Variants in ZDHHC14 observed in about 807,000 individuals in gnomAD.
The protein encoded by ZDHHC14 is zDHHC palmitoyltransferase 14, also known as palmitoyltransferase ZDHHC14.
Under a neutral mutation model 47.7 loss-of-function variants are expected in ZDHHC14, and 16 were observed. That is an observed-to-expected ratio of 0.34 (90% CI 0.23 to 0.51). The LOEUF is 0.51. Among genes scored for constraint, ZDHHC14 ranks in the 20% least tolerant of loss-of-function variants. The pLI, the probability that ZDHHC14 is intolerant of heterozygous loss-of-function variation, is 0.97. For missense variants in ZDHHC14, 515 were observed against 662.5 expected, an observed-to-expected ratio of 0.78 and a Z score of 2.44; for synonymous variants, 293 against 278.9, an observed-to-expected ratio of 1.05 and a Z score of -0.50.
At chr6:157,565,804 C>CAA (rs758559905) in intron 2 of ZDHHC14, among the ~76,000 whole-genome samples, 65 of 99,478 alleles carry the variant, frequency 6.5e-4, no homozygotes, top group African/African-American at 2.4e-3. Flanking sequence ...ACTCCGTCTC[C>CAA]AAAAAAAAAA....
chr6:157,501,341 T>TA (rs572484260), intron 1 of ZDHHC14, among the ~76,000 whole-genome samples: 27 of 152,124 alleles, frequency 1.8e-4, no homozygotes, highest in African/African-American at 4.8e-4. Flanking sequence ...GGTGCTTTTG[T>TA]AAAAAAAACA....
intron 2 of ZDHHC14, among the ~76,000 whole-genome samples, chr6:157,560,239 G>A (rs866104620): frequency 7.0e-4 from 106 of 152,312 alleles, no homozygotes; most frequent in African/African-American, 2.3e-3. Flanking sequence ...GCCAGGAAGC[G>A]GGGCCGACTG....
chr6:157,649,860 G>A (rs60758925), intron 7 of ZDHHC14, among the ~76,000 whole-genome samples: 3,218 of 152,286 alleles, frequency 0.021, 113 homozygotes, highest in African/African-American at 0.074. Flanking sequence ...AATGGTCAGT[G>A]TCACACCAGA....
chr6:157,522,168 A>G (rs35773086), intron 1 of ZDHHC14, among the ~76,000 whole-genome samples: 136,289 of 152,076 alleles, frequency 0.9, 61,415 homozygotes, highest in African/African-American at 0.97. Flanking sequence ...CTACCCGTAC[A>G]GTTGCCACGA....
At chr6:157,559,484 G>C (rs1782622693) in intron 2 of ZDHHC14, among the ~76,000 whole-genome samples, 1 of 152,234 alleles carries the variant, frequency 6.6e-6, no homozygotes, top group South Asian at 2.1e-4. Flanking sequence ...CCACCACCCT[G>C]TGCCTGCATG....
At chr6:157,668,240 A>G (rs1367932723) in intron 8 of ZDHHC14, among the ~76,000 whole-genome samples, 1 of 152,220 alleles carries the variant, frequency 6.6e-6, no homozygotes, top group Non-Finnish European at 1.5e-5. Context: ...ATCAGGGGAA[A>G]CACCCATAGC....
At chr6:157,648,658 T>C (rs2114985359) in intron 7 of ZDHHC14, among the ~76,000 whole-genome samples, 1 of 152,298 alleles carries the variant, frequency 6.6e-6, no homozygotes, top group South Asian at 2.1e-4. Context: ...GCGAGGATCC[T>C]GGGTTAGAGG....
intron 1 of ZDHHC14, among the ~76,000 whole-genome samples, chr6:157,429,182 G>A (rs918608482): frequency 2.0e-5 from 3 of 152,146 alleles, no homozygotes; most frequent in African/African-American, 4.8e-5. Flanking sequence ...CATGGGCGTC[G>A]AGACTTTTAG....
At chr6:157,643,047 A>G (rs1777334402) in intron 5 of ZDHHC14, among the ~76,000 whole-genome samples, 1 of 152,236 alleles carries the variant, frequency 6.6e-6, no homozygotes, top group African/African-American at 2.4e-5. Context: ...CTATTTCTCA[A>G]GCAAATTACT....
intron 1 of ZDHHC14, among the ~76,000 whole-genome samples, chr6:157,526,058 A>T (rs1234219038): frequency 4.6e-5 from 7 of 152,224 alleles, no homozygotes; most frequent in African/African-American, 7.2e-5. Flanking sequence ...AACTTCAGGG[A>T]AACCCACTGG....
At chr6:157,663,449 G>A (rs761692034) in intron 8 of ZDHHC14, among the ~76,000 whole-genome samples, 35 of 152,364 alleles carry the variant, frequency 2.3e-4, no homozygotes, top group Non-Finnish European at 4.0e-4. Flanking sequence ...GGCAAGGGCC[G>A]AACATCGACC....
chr6:157,591,959 C>A (rs1166126579), intron 2 of ZDHHC14, among the ~76,000 whole-genome samples: 3 of 152,242 alleles, frequency 2.0e-5, no homozygotes, highest in African/African-American at 7.2e-5. Context: ...CATGGAAGTT[C>A]TTGATCTTCT....
intron 2 of ZDHHC14, among the ~76,000 whole-genome samples, chr6:157,577,367 T>G (rs1783347275): frequency 6.6e-6 from 1 of 152,224 alleles, no homozygotes; most frequent in Admixed American, 6.5e-5. Context: ...TATATTTCTT[T>G]GGGTATATAC....
At chr6:157,528,248 G>A (rs1208738598) in intron 1 of ZDHHC14, among the ~76,000 whole-genome samples, 1 of 152,128 alleles carries the variant, frequency 6.6e-6, no homozygotes, top group Non-Finnish European at 1.5e-5. Flanking sequence ...AAGTCCTCAG[G>A]AATACTTCTG....
At chr6:157,524,564 C>T (rs188367109) in intron 1 of ZDHHC14, among the ~76,000 whole-genome samples, 148 of 152,298 alleles carry the variant, frequency 9.7e-4, no homozygotes, top group African/African-American at 3.5e-3. Context: ...TCTTTGTTTA[C>T]ATATTAAGAA....
At chr6:157,519,576 G>A (rs927540004) in intron 1 of ZDHHC14, among the ~76,000 whole-genome samples, 2 of 152,180 alleles carry the variant, frequency 1.3e-5, no homozygotes, top group African/African-American at 4.8e-5. Context: ...TGGATTCTGG[G>A]AGCAACTTAG....
At chr6:157,511,526 A>G (rs572505537) in intron 1 of ZDHHC14, among the ~76,000 whole-genome samples, 96 of 146,888 alleles carry the variant, frequency 6.5e-4, no homozygotes, top group African/African-American at 2.1e-3. Flanking sequence ...GATTACAGGC[A>G]TGCGCCACGA....
intron 1 of ZDHHC14, among the ~76,000 whole-genome samples, chr6:157,513,362 C>T (rs1358978557): frequency 1.3e-5 from 2 of 152,208 alleles, no homozygotes; most frequent in Non-Finnish European, 2.9e-5. Flanking sequence ...GTGGTGGCGT[C>T]CACACCTGTC....
chr6:157,483,667 T>G (rs572136403), intron 1 of ZDHHC14, among the ~76,000 whole-genome samples: 2 of 152,320 alleles, frequency 1.3e-5, no homozygotes, highest in South Asian at 4.2e-4. Context: ...GCTGTCGAAA[T>G]TACATAGAAG....
Sources: gnomAD v4.1 joint callset for allele counts (sites outside exome capture counted in the v4.1 genomes callset) on GRCh38, gnomAD v4.1.1 for gene constraint, MANE v1.5 for transcripts, NCBI Gene and HGNC (gene_info 2026-07-23, HGNC 2026-07-21) for gene names.